Variants in KIAA2012 observed in about 807,000 individuals in gnomAD.
KIAA2012 encodes the protein uncharacterized protein KIAA2012.
A neutral mutation model predicts 150.6 loss-of-function variants in KIAA2012; 125 were observed. That is an observed-to-expected ratio of 0.83 (90% CI 0.72 to 0.96). The LOEUF is 0.96. KIAA2012 is among the 40% of genes least tolerant of loss of function. The pLI is 0.00. For synonymous variants in KIAA2012, 462 were observed against 504.7 expected (o/e 0.92, Z 1.13); for missense variants, 1,219 against 1,354.9 (o/e 0.90, Z 1.57).
chr2:202,093,665 G>A (rs996569816), intron 4 of KIAA2012, among the ~76,000 whole-genome samples: 6 of 152,298 alleles, frequency 3.9e-5, no homozygotes, highest in African/African-American at 1.4e-4. Flanking sequence ...CGAAATGGCT[G>A]TTCTCTCATT....
chr2:202,160,122 G>A (rs1559224089), intron 14 of KIAA2012, among the ~76,000 whole-genome samples: 2 of 152,084 alleles, frequency 1.3e-5, no homozygotes, highest in African/African-American at 2.4e-5. Context: ...GGCAGCAGAG[G>A]GAGCTAGGAT....
At chr2:202,186,114 G>C (rs1692221971) in intron 16 of KIAA2012, among the ~76,000 whole-genome samples, 1 of 152,186 alleles carries the variant, frequency 6.6e-6, no homozygotes, top group African/African-American at 2.4e-5. Flanking sequence ...GAGGGCATAA[G>C]TCAGTTATCC....
rs1689254871 is a variant in KIAA2012 at position 202,073,597 on chromosome 2, T to C, written c.-31T>C. On this transcript the variant is annotated 5_prime_UTR_variant, in exon 1 of 24. Transcript: ENST00000498697. ...TTCAGCCTTCAAAACCAAGATGGAC[T>C]GCCCTTGAGAAGGGGTGGTCAGAGG... 1.9e-6 allele frequency: 3 copies of C among 1,545,628 alleles called. No individual in the cohort carries two copies. The highest frequency in any genetic ancestry group is 8.7e-7 in the Non-Finnish European group (1 of 1,143,578).
Position 202,200,943 on chromosome 2 carries a change from T to A in KIAA2012, c.3408-1486T>A, listed in dbSNP as rs551705681. 5.9e-5 allele frequency among the ~76,000 whole-genome samples: 9 copies of A among 152,190 alleles called. No homozygotes were observed. The South Asian group carries it at 1.9e-3, about 32-fold the overall frequency. ...CTTGTCTCGAACTCCCGACCTCAAG[T>A]GATCCGCCTGCCTCAGCTTCCCAAA... On this transcript the variant is annotated intron_variant, in intron 22 of 23. Transcript: ENST00000498697.
At chr2:202,171,134 C>G (rs1270314690) in intron 15 of KIAA2012, among the ~76,000 whole-genome samples, 1 of 151,156 alleles carries the variant, frequency 6.6e-6, no homozygotes, top group Non-Finnish European at 1.5e-5. Context: ...CACACACACA[C>G]ACACACAGAC....
intron 9 of KIAA2012, 196 bp downstream of exon 9, chr2:202,106,106 C>T (rs775075649): frequency 1.9e-5 from 28 of 1,449,822 alleles, no homozygotes; most frequent in Non-Finnish European, 2.4e-5. Context: ...CAGTGTCCAG[C>T]TCACCAGTTA....
intron 12 of KIAA2012, among the ~76,000 whole-genome samples, chr2:202,133,130 A>ATATATATATATATATATATATATAT (rs1279080237): frequency 1.5e-5 from 1 of 67,780 alleles, no homozygotes; most frequent in African/African-American, 5.8e-5. Context: ...ATATATATAT[A>ATATATATATATATATATATATATAT]TTTTTTTTTT....
chr2:202,172,941 G>A (rs1691923694), intron 15 of KIAA2012, among the ~76,000 whole-genome samples: 1 of 152,212 alleles, frequency 6.6e-6, no homozygotes, highest in Admixed American at 6.5e-5. Context: ...TGCAGTACTA[G>A]GTGCAAAATA....
At chr2:202,109,834 G>A (rs1559207321) in intron 10 of KIAA2012, 45 bp downstream of exon 10, 2 of 1,472,922 alleles carry the variant, frequency 1.4e-6, no homozygotes, top group South Asian at 1.4e-5. Flanking sequence ...TGGCTTGAAT[G>A]TGGCTCATTG....
intron 2 of KIAA2012, among the ~76,000 whole-genome samples, chr2:202,078,202 T>C (rs566566264): frequency 1.1e-4 from 16 of 152,258 alleles, no homozygotes; most frequent in Non-Finnish European, 2.1e-4. Context: ...ATTGATCAAA[T>C]GAACTCTGGT....
Position 202,073,569 on chromosome 2 carries a change from G to C in KIAA2012, c.-59G>C. Reference sequence around the variant, plus strand: ...CTCTGGAAATCTTGAGGTGTGACCAGATTTCAGCCTTCAAAACCAAGATGG... The same window carrying C: ...CTCTGGAAATCTTGAGGTGTGACCACATTTCAGCCTTCAAAACCAAGATGG... On this transcript the variant is annotated 5_prime_UTR_variant, in exon 1 of 24. Coordinates refer to ENST00000498697, the MANE Select transcript of KIAA2012 (RefSeq NM_001277372.4). The C allele has an allele frequency of 1.4e-6, 2 of 1,472,056 alleles. No individual in the cohort carries two copies. The highest frequency in any genetic ancestry group is 1.9e-6 in the Non-Finnish European group (2 of 1,078,998). 91.2% of individuals were successfully genotyped at this position (1,472,056 alleles called of 1,614,324 possible).
At chr2:202,168,396 C>T (rs1193264893) in intron 15 of KIAA2012, among the ~76,000 whole-genome samples, 2 of 125,678 alleles carry the variant, frequency 1.6e-5, no homozygotes, top group African/African-American at 3.3e-5. Context: ...TCCAGCCTGA[C>T]GACAGAGCAA....
chr2:202,179,769 A>G, intron 15 of KIAA2012: 1 of 633,874 alleles, frequency 1.6e-6, no homozygotes, highest in Non-Finnish European at 3.0e-6. Context: ...TGGCCTGGAA[A>G]GCCACAGCAG....
chr2:202,175,792 A>G (rs1691978823), intron 15 of KIAA2012, among the ~76,000 whole-genome samples: 1 of 152,212 alleles, frequency 6.6e-6, no homozygotes, highest in Admixed American at 6.5e-5. Context: ...AGCCAGTATA[A>G]TTTTGAAAAA....
chr2:202,101,244 C>T (rs1366150746), intron 7 of KIAA2012, among the ~76,000 whole-genome samples: 2 of 152,216 alleles, frequency 1.3e-5, no homozygotes, highest in Non-Finnish European at 2.9e-5. Flanking sequence ...CTGAAGTGTT[C>T]CTGAAGCAGC....
intron 21 of KIAA2012, among the ~76,000 whole-genome samples, 185 bp from the exon 22 acceptor site, chr2:202,196,615 G>C (rs1002228514): frequency 6.6e-6 from 1 of 152,094 alleles, no homozygotes; most frequent in African/African-American, 2.4e-5. Context: ...ATTAATAAAG[G>C]ACTCTTAAAT....
At chr2:202,124,890 G>A (rs1690742924) in intron 11 of KIAA2012, among the ~76,000 whole-genome samples, 1 of 152,082 alleles carries the variant, frequency 6.6e-6, no homozygotes, top group South Asian at 2.1e-4. Flanking sequence ...CCAACATGAC[G>A]AAACCCCATC....
At chr2:202,157,995 A>G (rs1054057304) in intron 14 of KIAA2012, among the ~76,000 whole-genome samples, 1 of 152,114 alleles carries the variant, frequency 6.6e-6, no homozygotes, top group African/African-American at 2.4e-5. Flanking sequence ...GGTTCCCCTC[A>G]GCCAACATAT....
intron 12 of KIAA2012, among the ~76,000 whole-genome samples, chr2:202,131,513 T>C (rs1327145950): frequency 1.3e-5 from 2 of 152,222 alleles, no homozygotes; most frequent in Non-Finnish European, 2.9e-5. Flanking sequence ...GTCCATCTAC[T>C]AGTGACAAAT....
Sources: gnomAD v4.1 joint callset for allele counts (sites outside exome capture counted in the v4.1 genomes callset) on GRCh38, gnomAD v4.1.1 for gene constraint, MANE v1.5 for transcripts, NCBI Gene and HGNC (gene_info 2026-07-23, HGNC 2026-07-21) for gene names.